PCDHA3: variants seen among roughly 807,000 people sequenced by gnomAD.
PCDHA3 encodes the protein protocadherin alpha 3, also known as protocadherin alpha-3.
Under a neutral mutation model 62.2 loss-of-function variants are expected in PCDHA3, and 41 were observed. That is an observed-to-expected ratio of 0.66 (90% confidence interval 0.51 to 0.86). The LOEUF (loss-of-function observed/expected upper bound fraction) is 0.86. Ranked by LOEUF, PCDHA3 falls within the 40% of genes least tolerant of loss-of-function variation. The probability of loss-of-function intolerance (pLI) is 0.00; values close to 1 mark genes in which losing one functional copy is unlikely to be tolerated. For synonymous variants in PCDHA3, 640 were observed against 555.4 expected, an observed-to-expected ratio of 1.15 and a Z score of -2.14; for missense variants, 1,304 against 1,241.2, an observed-to-expected ratio of 1.05 and a Z score of -0.76.
chr5:140,835,575 G>C (rs1554135076), intron 1 of PCDHA3: 3 of 1,613,752 alleles, frequency 1.9e-6, no homozygotes, highest in Non-Finnish European at 2.5e-6. Flanking sequence ...CTTCAAGTTG[G>C]TGTCCACCTT....
chr5:140,907,114 G>A (rs1422379312), intron 1 of PCDHA3, among the ~76,000 whole-genome samples: 1 of 152,164 alleles, frequency 6.6e-6, no homozygotes, highest in Non-Finnish European at 1.5e-5. Context: ...TCCACCCCTT[G>A]ATTCCTGGAC....
intron 3 of PCDHA3, among the ~76,000 whole-genome samples, chr5:140,983,358 T>C (rs1374842008): frequency 6.6e-6 from 1 of 152,224 alleles, no homozygotes; most frequent in Non-Finnish European, 1.5e-5. Context: ...GTAATAGAAA[T>C]ATGGCTTTGG....
intron 1 of PCDHA3, among the ~76,000 whole-genome samples, chr5:140,954,988 A>G (rs554115730): frequency 2.0e-5 from 3 of 152,204 alleles, no homozygotes; most frequent in Admixed American, 6.5e-5. Context: ...AATTTTCTGC[A>G]TATGGCTAGC....
At chr5:140,920,516 A>G (rs2079670610) in intron 1 of PCDHA3, among the ~76,000 whole-genome samples, 1 of 152,156 alleles carries the variant, frequency 6.6e-6, no homozygotes, top group African/African-American at 2.4e-5. Flanking sequence ...GTTTTATGCA[A>G]TTCGTTAGAC....
chr5:140,801,287 G>A lies in PCDHA3; in HGVS notation c.90G>A (p.Gln30=). ...CAGCCTCGGAGGTGGGGAGCGGCCA[G>A]CTCCACTACTCCGTCTCTGAGGAGG... ...LLAASEVGSG[Q]LHYSVSEEAK... is the part of the protein sequence containing the mutation. The change falls in exon 1 of 4, where the codon CAG becomes CAA. Residue 30 remains glutamine, a synonymous_variant. Transcript: ENST00000522353. 1 of 1,613,556 alleles carries A rather than the reference G, an allele frequency of 6.2e-7. No individual in the cohort carries two copies. The highest frequency in any genetic ancestry group is 1.1e-5 in the South Asian group (1 of 91,056).
chr5:140,962,944 G>T (rs572517623), intron 1 of PCDHA3, among the ~76,000 whole-genome samples: 1 of 152,158 alleles, frequency 6.6e-6, no homozygotes, highest in East Asian at 1.9e-4. Flanking sequence ...CTCTCCATAA[G>T]ATATGCTCTA....
chr5:140,807,250 C>T (rs781836532), intron 1 of PCDHA3: 3 of 1,614,114 alleles, frequency 1.9e-6, no homozygotes, highest in South Asian at 1.1e-5. Flanking sequence ...TTCTTCTCCT[C>T]GCAGCCTGGG....
chr5:140,840,957 C>G (rs1381894939), intron 1 of PCDHA3, among the ~76,000 whole-genome samples: 3 of 151,928 alleles, frequency 2.0e-5, no homozygotes, highest in Non-Finnish European at 4.4e-5. Context: ...GGAAGAAATT[C>G]CTTTCCTTAT....
Position 141,011,176 on chromosome 5 carries a change from A to G in PCDHA3, c.*1239A>G, listed in dbSNP as rs1198355681. On this transcript the variant is annotated 3_prime_UTR_variant, in exon 4 of 4. Coordinates refer to ENST00000522353, the MANE Select transcript of PCDHA3 (RefSeq NM_018906.3). The stretch of plus-strand genomic sequence containing the variant: ...ACCAACTATATATCAAGACCCAAAA[A>G]TTGAAGAAAAATATTGTTTTCTCAT... 1 of 153,724 alleles carries G rather than the reference A, an allele frequency of 6.5e-6. No homozygotes were observed. The highest frequency in any genetic ancestry group is 1.5e-5 in the Non-Finnish European group (1 of 68,024). The allele number at this position is 153,724 out of a possible 1,614,324, so 9.5% of individuals were successfully genotyped here.
At chr5:140,821,246 T>C (rs1330711106) in intron 1 of PCDHA3, among the ~76,000 whole-genome samples, 9 of 152,218 alleles carry the variant, frequency 5.9e-5, no homozygotes, top group Non-Finnish European at 1.3e-4. Context: ...GTCAAAACTT[T>C]AACTCTTAAA....
At chr5:140,963,244 T>G (rs934081934) in intron 1 of PCDHA3, among the ~76,000 whole-genome samples, 6 of 152,104 alleles carry the variant, frequency 3.9e-5, no homozygotes, top group Admixed American at 3.3e-4. Flanking sequence ...ATGGATTAGG[T>G]AGGTTTTCAT....
chr5:140,943,450 T>C (rs2093496924), intron 1 of PCDHA3, among the ~76,000 whole-genome samples: 1 of 152,012 alleles, frequency 6.6e-6, no homozygotes, highest in Non-Finnish European at 1.5e-5. Context: ...ATAGAATTGA[T>C]AAGGCTAAAT....
chr5:140,802,494 C>G lies in PCDHA3; in HGVS notation c.1297C>G (p.Pro433Ala), dbSNP rs142880719. 1 of 1,614,164 alleles carries G rather than the reference C, an allele frequency of 6.2e-7. No homozygotes were observed. Among genetic ancestry groups the G allele is most frequent in the Admixed American group, 1.7e-5 (1 of 60,034 alleles). Residue 433 changes from proline to alanine, a missense_variant, in exon 1 of 4, where the codon CCT becomes GCT. By Grantham distance (27) the Pro-to-Ala change is conservative. Coordinates refer to ENST00000522353, the MANE Select transcript of PCDHA3 (RefSeq NM_018906.3). Reference sequence around the variant, plus strand: ...GGTGACTGCTCGGGACGGGGGCTCGCCTTCACTGTGGGCCACGGCCAGCGT... The same window carrying G: ...GGTGACTGCTCGGGACGGGGGCTCGGCTTCACTGTGGGCCACGGCCAGCGT... ...LVVTARDGGS[P>A]SLWATASVSV...
At chr5:140,821,568 C>A (rs1223183391) in intron 1 of PCDHA3, 4 of 542,134 alleles carry the variant, frequency 7.4e-6, no homozygotes, top group Non-Finnish European at 1.3e-5. Flanking sequence ...CGCTGGACAC[C>A]GGAAGGTTTT....
chr5:140,838,077 AGTGTGTGT>A (rs2150283763), intron 1 of PCDHA3, among the ~76,000 whole-genome samples: 8,999 of 80,104 alleles, frequency 0.11, 350 homozygotes, highest in Admixed American at 0.12. Context: ...ATATATATAT[AGTGTGTGT>A]GTGTGTGTGT....
intron 1 of PCDHA3, chr5:140,836,302 C>T (rs2150257183): frequency 1.7e-5 from 28 of 1,613,614 alleles, no homozygotes; most frequent in Non-Finnish European, 2.3e-5. Context: ...CTAGATGAGA[C>T]GGACGCACCG....
At chr5:140,822,088 C>G (rs782227527) in intron 1 of PCDHA3, 1 of 1,614,256 alleles carries the variant, frequency 6.2e-7, no homozygotes, top group East Asian at 2.2e-5. Context: ...CAGCATCCAC[C>G]TGGAGGTGAT....
At chr5:140,858,252 C>T in intron 1 of PCDHA3, 1 of 1,596,744 alleles carries the variant, frequency 6.3e-7, no homozygotes. Context: ...CCGGTGAAGC[C>T]CACGCTGGTG....
At chr5:140,864,452 T>C (rs1368510551) in intron 1 of PCDHA3, 1 of 152,266 alleles carries the variant, frequency 6.6e-6, no homozygotes, top group East Asian at 1.9e-4. Context: ...TCATGATCAA[T>C]ATCCATCTTT....
Sources: allele counts gnomAD v4.1 joint callset (sites outside exome capture counted in the v4.1 genomes callset), GRCh38; gene constraint gnomAD v4.1.1; transcripts MANE v1.5; gene names NCBI Gene and HGNC (gene_info 2026-07-23, HGNC 2026-07-21).